Variants in CENPK observed in about 807,000 individuals in gnomAD.
CENPK encodes centromere protein K.
In CENPK, 46 loss-of-function variants were observed where a neutral mutation model predicts 40.9. The ratio of observed to expected loss-of-function variants is 1.13; its 90% confidence interval spans 0.89 to 1.44. CENPK has a LOEUF of 1.44. Ranked by LOEUF, CENPK falls within the 40% of genes most tolerant of loss-of-function variation. CENPK has a pLI of 0.00. For synonymous variants in CENPK, 107 were observed against 104.4 expected (o/e 1.02, Z -0.15); for missense variants, 288 against 303.5 (o/e 0.95, Z 0.38).
rs1016299423 is a variant in CENPK, at chr5:65,554,300, C to T, written c.111+497G>A. ...CCGAGTAGCTGAGACTAAAGGTGCA[C>T]ACCACCGTGCCCAGCTAATTTGTGT... On this transcript the variant is annotated intron_variant, in intron 3 of 10. Transcript: ENST00000396679. Among the ~76,000 whole-genome samples, 4 of 152,066 alleles carry T rather than the reference C, an allele frequency of 2.6e-5. No homozygotes were observed. The South Asian group carries it at 8.3e-4, about 32-fold the overall frequency.
At chr5:65,562,423 G>A (rs1437294709) in intron 1 of CENPK, among the ~76,000 whole-genome samples, 5 of 152,112 alleles carry the variant, frequency 3.3e-5, no homozygotes. Context: ...TACTATGGGG[G>A]GGCAGTTCCT....
intron 5 of CENPK, among the ~76,000 whole-genome samples, chr5:65,544,306 T>C (rs1334782272): frequency 6.6e-6 from 1 of 152,140 alleles, no homozygotes; most frequent in Non-Finnish European, 1.5e-5. Context: ...ACTATCATAA[T>C]GGTGATTAAG....
rs1216026136 is a variant in CENPK at position 65,554,882 on chromosome 5, T to C, written c.26A>G (p.Asp9Gly). 5 of 1,599,974 alleles carry C rather than the reference T, an allele frequency of 3.1e-6. No individual in the cohort carries two copies. The highest frequency in any genetic ancestry group is 3.4e-6 in the Non-Finnish European group (4 of 1,168,110). ...AACATCTCCCACATCTGTAGTACTA[T>C]CCGGATCTAGATCCTCCTGATTCAT... is the stretch of plus-strand genomic sequence containing the variant. MNQEDLDP[D>G]STTDVGDVTN... The change falls in exon 3 of 11, where the codon GAT becomes GGT. Residue 9 changes from aspartate (D) to glycine (G), a missense_variant. By Grantham distance (94) the Asp-to-Gly change is moderately conservative. Transcript: ENST00000396679.
the CENPK span, among the ~76,000 whole-genome samples, chr5:65,508,734 G>A: frequency 2.7e-4 from 40 of 149,868 alleles, no homozygotes; most frequent in Admixed American, 9.3e-4. Context: ...TACAGTGAGC[G>A]GAGATCATGC....
At chr5:65,555,078 C>A in intron 2 of CENPK, 132 bp from the exon 3 acceptor site, 1 of 533,942 alleles carries the variant, frequency 1.9e-6, no homozygotes, top group Non-Finnish European at 3.3e-6. Flanking sequence ...GAACCTTATT[C>A]TAAGTAAGGA....
chr5:65,504,704 G>A, the CENPK span, among the ~76,000 whole-genome samples: 8 of 152,188 alleles, frequency 5.3e-5, no homozygotes, highest in South Asian at 1.2e-3. Flanking sequence ...TTGCTCTGAA[G>A]TACGATATCC....
chr5:65,530,603 T>C (rs1239108843), intron 6 of CENPK, among the ~76,000 whole-genome samples: 1 of 152,226 alleles, frequency 6.6e-6, no homozygotes, highest in Non-Finnish European at 1.5e-5. Context: ...TATTAGCTTT[T>C]TCTAAATATA....
At chr5:65,538,035 A>G (rs971435011) in intron 6 of CENPK, among the ~76,000 whole-genome samples, 37 of 152,176 alleles carry the variant, frequency 2.4e-4, no homozygotes, top group Admixed American at 2.2e-3. Flanking sequence ...GCCACTAGCA[A>G]TGTATTGCTA....
At chr5:65,509,084 G>A in the CENPK span, among the ~76,000 whole-genome samples, 2 of 152,112 alleles carry the variant, frequency 1.3e-5, no homozygotes, top group African/African-American at 2.4e-5. Context: ...CTTTAAACAT[G>A]GGCAAAAGAA....
At chr5:65,498,326 TTTGTACGTGA>T in the CENPK span, among the ~76,000 whole-genome samples, 24 of 152,250 alleles carry the variant, frequency 1.6e-4, no homozygotes, top group African/African-American at 5.1e-4. Context: ...ATATATGTTT[TTTGTACGTGA>T]TTGCTTTATT....
chr5:65,523,493 T>G (rs1473303299), intron 9 of CENPK, among the ~76,000 whole-genome samples: 3 of 150,650 alleles, frequency 2.0e-5, no homozygotes, highest in Admixed American at 1.3e-4. Flanking sequence ...TAACAAAATA[T>G]GTATGATTCC....
chr5:65,521,996 CGTT>C (rs1239842373), intron 9 of CENPK, among the ~76,000 whole-genome samples: 1 of 152,022 alleles, frequency 6.6e-6, no homozygotes, highest in Non-Finnish European at 1.5e-5. Context: ...TGAAAGTAAA[CGTT>C]GTATTTAAGT....
chr5:65,507,086 C>T, the CENPK span, among the ~76,000 whole-genome samples: 1 of 152,152 alleles, frequency 6.6e-6, no homozygotes, highest in South Asian at 2.1e-4. Context: ...TCAGAATTTG[C>T]TCTTTTTCTT....
At chr5:65,507,008 A>G in the CENPK span, among the ~76,000 whole-genome samples, 2 of 152,244 alleles carry the variant, frequency 1.3e-5, no homozygotes, top group African/African-American at 4.8e-5. Flanking sequence ...AAAATTTATT[A>G]TCTTACGTAT....
At chr5:65,551,097 A>G in intron 5 of CENPK, 2 of 326,910 alleles carry the variant, frequency 6.1e-6, no homozygotes, top group South Asian at 4.7e-5. Flanking sequence ...ACAAAAACCA[A>G]CCACTAACCA....
At chr5:65,537,753 T>A (rs1332929115) in intron 6 of CENPK, among the ~76,000 whole-genome samples, 2 of 152,206 alleles carry the variant, frequency 1.3e-5, no homozygotes, top group African/African-American at 4.8e-5. Context: ...CTCCACTTCA[T>A]TTCTTTTTAT....
chr5:65,504,382 G>C, the CENPK span, among the ~76,000 whole-genome samples: 2 of 149,692 alleles, frequency 1.3e-5, no homozygotes, highest in East Asian at 4.0e-4. Context: ...CTTGAAACTG[G>C]GAGATGGGAG....
In CENPK at chr5:65,528,309, A is replaced by C. The variant is rs1451161352; in HGVS notation, c.597+143T>G. On this transcript the variant is annotated intron_variant, in intron 9 of 10. Transcript: ENST00000396679. Reference sequence around the variant, plus strand: ...TTTATTGAATAATTAGGTTGCTTCTAGTCTTTCAATAAGTATAATGTGATA... The same window carrying C: ...TTTATTGAATAATTAGGTTGCTTCTCGTCTTTCAATAAGTATAATGTGATA... The C allele has an allele frequency of 7.6e-6, 4 of 525,800 alleles. No individual in the cohort carries two copies. In the East Asian group the frequency reaches 2.7e-4, roughly 35 times the overall value. 32.6% of individuals were successfully genotyped at this position (525,800 alleles called of 1,614,324 possible).
At chr5:65,525,196 T>C (rs1448294990) in intron 9 of CENPK, among the ~76,000 whole-genome samples, 3 of 151,860 alleles carry the variant, frequency 2.0e-5, no homozygotes, top group African/African-American at 7.3e-5. Context: ...CCATCTCTAC[T>C]AAAAAACAAA....
Sources: allele counts gnomAD v4.1 joint callset (sites outside exome capture counted in the v4.1 genomes callset), GRCh38; gene constraint gnomAD v4.1.1; transcripts MANE v1.5; gene names NCBI Gene and HGNC (gene_info 2026-07-23, HGNC 2026-07-21).